The following PDE4B variants were observed in gnomAD, a reference collection of about 807,000 sequenced individuals.
PDE4B encodes the protein 3',5'-cyclic-AMP phosphodiesterase 4B.
A neutral mutation model predicts 82.2 loss-of-function variants in PDE4B; 20 were observed. That is an observed-to-expected ratio of 0.24 (90% CI 0.17 to 0.35). The LOEUF (loss-of-function observed/expected upper bound fraction) is 0.35, where lower values mean the gene tolerates loss of function less well. Among genes scored for constraint, PDE4B ranks in the 10% least tolerant of loss-of-function variants. The pLI, the probability that PDE4B is intolerant of heterozygous loss-of-function variation, is 1.00. For missense variants in PDE4B, 655 were observed against 907.2 expected, an observed-to-expected ratio of 0.72 and a Z score of 3.57; for synonymous variants, 320 against 318.9, an observed-to-expected ratio of 1.00 and a Z score of -0.04.
chr1:66,006,440 C>T (rs1652155156), intron 3 of PDE4B, among the ~76,000 whole-genome samples: 1 of 152,042 alleles, frequency 6.6e-6, no homozygotes, highest in Non-Finnish European at 1.5e-5. Flanking sequence ...TTCACAGATA[C>T]AAGTGTTAAG....
At chr1:66,074,488 A>G (rs1052853033) in intron 3 of PDE4B, among the ~76,000 whole-genome samples, 2 of 152,092 alleles carry the variant, frequency 1.3e-5, no homozygotes, top group Admixed American at 1.3e-4. Context: ...ACACATAACA[A>G]TATTTACCAT....
intron 3 of PDE4B, among the ~76,000 whole-genome samples, chr1:66,063,242 CA>C (rs1372213661): frequency 6.6e-6 from 1 of 151,948 alleles, no homozygotes; most frequent in African/African-American, 2.4e-5. Flanking sequence ...GTTGGAATGA[CA>C]AAAGGTTAGA....
At chr1:66,286,410 G>C (rs1307286866) in intron 7 of PDE4B, among the ~76,000 whole-genome samples, 1 of 152,140 alleles carries the variant, frequency 6.6e-6, no homozygotes, top group East Asian at 1.9e-4. Flanking sequence ...GGCAGATGCA[G>C]GACTAGGTGA....
At chr1:65,925,610 A>G (rs1274912790) in intron 3 of PDE4B, among the ~76,000 whole-genome samples, 8 of 152,126 alleles carry the variant, frequency 5.3e-5, no homozygotes, top group African/African-American at 1.9e-4. Flanking sequence ...GAATCACATA[A>G]TGTGTAATAT....
intron 3 of PDE4B, among the ~76,000 whole-genome samples, chr1:65,928,065 C>T (rs919164793): frequency 2.0e-5 from 3 of 152,170 alleles, no homozygotes; most frequent in Non-Finnish European, 4.4e-5. Context: ...CCTTAAATGT[C>T]GATCATTTCC....
chr1:66,127,251 T>C (rs1294560406), intron 3 of PDE4B, among the ~76,000 whole-genome samples: 1 of 152,084 alleles, frequency 6.6e-6, no homozygotes, highest in Non-Finnish European at 1.5e-5. Flanking sequence ...GGGGAAACAA[T>C]AGGGGAGCTG....
intron 3 of PDE4B, among the ~76,000 whole-genome samples, chr1:66,229,650 T>G (rs1400049397): frequency 1.3e-5 from 2 of 152,170 alleles, no homozygotes; most frequent in East Asian, 3.8e-4. Flanking sequence ...GAATTACATT[T>G]CAGAGACTGG....
intron 1 of PDE4B, among the ~76,000 whole-genome samples, chr1:65,815,164 C>T (rs962067122): frequency 2.0e-5 from 3 of 151,534 alleles, no homozygotes; most frequent in South Asian, 4.1e-4. Context: ...CCCACTAACT[C>T]GTCATCTAGC....
chr1:66,136,145 C>T (rs1470819885), intron 3 of PDE4B, among the ~76,000 whole-genome samples: 3 of 152,120 alleles, frequency 2.0e-5, no homozygotes, highest in East Asian at 1.9e-4. Context: ...TCCCACTCAC[C>T]ATGCAGTTCC....
intron 8 of PDE4B, chr1:66,354,691 A>G (rs1333903483): frequency 3.5e-5 from 50 of 1,424,890 alleles, no homozygotes; most frequent in Non-Finnish European, 4.5e-5. Context: ...TTGGCTTAGG[A>G]AATGCCATAC....
intron 3 of PDE4B, among the ~76,000 whole-genome samples, chr1:65,978,255 T>G (rs1406264440): frequency 1.3e-5 from 2 of 152,070 alleles, no homozygotes; most frequent in African/African-American, 4.8e-5. Context: ...CTCGAACTCC[T>G]GATCTCAGGT....
intron 1 of PDE4B, among the ~76,000 whole-genome samples, chr1:65,879,175 G>A (rs1356233821): frequency 6.6e-6 from 1 of 152,078 alleles, no homozygotes; most frequent in Non-Finnish European, 1.5e-5. Flanking sequence ...CCTGAGATAT[G>A]CAGTAGTCAA....
chr1:66,333,886 AAAAG>A, intron 8 of PDE4B, among the ~76,000 whole-genome samples: 1 of 152,334 alleles, frequency 6.6e-6, no homozygotes, highest in African/African-American at 2.4e-5. Flanking sequence ...AAGGGAAAAA[AAAAG>A]AAAAGAACAC....
intron 3 of PDE4B, among the ~76,000 whole-genome samples, chr1:66,084,013 T>C (rs1656875947): frequency 6.6e-6 from 1 of 152,188 alleles, no homozygotes; most frequent in Non-Finnish European, 1.5e-5. Context: ...CGCTTGTTGA[T>C]AGGATTATTT....
chr1:65,877,028 T>C (rs1646652196), intron 1 of PDE4B, among the ~76,000 whole-genome samples: 1 of 152,156 alleles, frequency 6.6e-6, no homozygotes, highest in Non-Finnish European at 1.5e-5. Context: ...CCATTGACTT[T>C]CTTCACAGAA....
intron 2 of PDE4B, among the ~76,000 whole-genome samples, chr1:65,917,265 G>A (rs1395312316): frequency 3.3e-5 from 5 of 152,286 alleles, no homozygotes; most frequent in East Asian, 1.9e-4. Flanking sequence ...GATAGGGGCC[G>A]TGGGGTAGAG....
chr1:65,986,363 A>T (rs1650954234), intron 3 of PDE4B, among the ~76,000 whole-genome samples: 1 of 152,318 alleles, frequency 6.6e-6, no homozygotes, highest in South Asian at 2.1e-4. Flanking sequence ...GACTCTTCTT[A>T]TGGAAGTTGA....
At chr1:66,140,698 A>T (rs1219271420) in intron 3 of PDE4B, among the ~76,000 whole-genome samples, 1 of 152,190 alleles carries the variant, frequency 6.6e-6, no homozygotes, top group Non-Finnish European at 1.5e-5. Context: ...TGAGGATAAG[A>T]GGGTATTATT....
intron 9 of PDE4B, 122 bp downstream of exon 9, chr1:66,355,742 T>A: frequency 5.7e-6 from 3 of 528,384 alleles, no homozygotes; most frequent in Non-Finnish European, 6.8e-6. Flanking sequence ...AAAATCCATT[T>A]AAAATAATAA....
Sources: gnomAD v4.1 joint callset for allele counts (sites outside exome capture counted in the v4.1 genomes callset) on GRCh38, gnomAD v4.1.1 for gene constraint, MANE v1.5 for transcripts, NCBI Gene and HGNC (gene_info 2026-07-23, HGNC 2026-07-21) for gene names.